HDAC9: variants seen among roughly 807,000 people sequenced by gnomAD.
HDAC9 encodes MEF-2 interacting transcription repressor (MITR) protein.
A neutral mutation model predicts 139.4 loss-of-function variants in HDAC9; 41 were observed. The observed-to-expected ratio is 0.29, with a 90% confidence interval of 0.23 to 0.38. HDAC9 has a LOEUF of 0.38. Ranked by LOEUF, HDAC9 falls within the 10% of genes least tolerant of loss-of-function variation. The probability of loss-of-function intolerance (pLI) is 1.00; values close to 1 mark genes in which losing one functional copy is unlikely to be tolerated. For missense variants in HDAC9, 1,147 were observed against 1,297.0 expected (o/e 0.88, Z 1.78); for synonymous variants, 517 against 476.2 (o/e 1.09, Z -1.12).
intron 1 of HDAC9, among the ~76,000 whole-genome samples, chr7:18,300,891 C>A (rs1311992723): frequency 1.3e-5 from 2 of 151,886 alleles, no homozygotes; most frequent in African/African-American, 4.8e-5. Flanking sequence ...CAGTTGAAAC[C>A]CCTAAAGTCA....
chr7:18,142,041 A>G (rs964993249), intron 1 of HDAC9, among the ~76,000 whole-genome samples: 2 of 151,980 alleles, frequency 1.3e-5, no homozygotes, highest in Non-Finnish European at 2.9e-5. Flanking sequence ...TTGTGTCAGG[A>G]CTTTTTTCCT....
intron 2 of HDAC9, among the ~76,000 whole-genome samples, chr7:18,509,079 T>A (rs1408886833): frequency 1.3e-5 from 2 of 152,200 alleles, no homozygotes; most frequent in Non-Finnish European, 1.5e-5. Flanking sequence ...TAAGAGCTAT[T>A]TTTCCTCACA....
intron 12 of HDAC9, among the ~76,000 whole-genome samples, chr7:18,714,630 C>T (rs1412050222): frequency 6.7e-6 from 1 of 148,836 alleles, no homozygotes; most frequent in Non-Finnish European, 1.5e-5. Flanking sequence ...GAACATTCTT[C>T]TTTCTTTCTT....
intron 1 of HDAC9, among the ~76,000 whole-genome samples, chr7:18,153,841 G>T (rs1303268973): frequency 2.0e-5 from 3 of 152,116 alleles, no homozygotes; most frequent in Non-Finnish European, 4.4e-5. Flanking sequence ...GACTCATACT[G>T]GTTTCCTTCT....
chr7:18,918,103 A>G (rs1016223637), intron 22 of HDAC9, among the ~76,000 whole-genome samples: 13 of 152,108 alleles, frequency 8.5e-5, no homozygotes, highest in Non-Finnish European at 1.8e-4. Context: ...GTCGATGTGC[A>G]AAGAAATGCA....
At chr7:18,310,353 C>G (rs1206080668) in intron 1 of HDAC9, among the ~76,000 whole-genome samples, 5 of 152,150 alleles carry the variant, frequency 3.3e-5, no homozygotes, top group African/African-American at 1.2e-4. Context: ...CCCAGAAAAT[C>G]TTTAGAGAAT....
chr7:18,647,560 A>G (rs577323071), intron 9 of HDAC9, among the ~76,000 whole-genome samples: 1 of 152,196 alleles, frequency 6.6e-6, no homozygotes, highest in Non-Finnish European at 1.5e-5. Context: ...TTTATGTTCA[A>G]TACAATGACA....
At chr7:18,715,069 A>G (rs1037589643) in intron 12 of HDAC9, among the ~76,000 whole-genome samples, 1 of 152,142 alleles carries the variant, frequency 6.6e-6, no homozygotes, top group Non-Finnish European at 1.5e-5. Flanking sequence ...TGTTACATTC[A>G]TCTCAGCAAA....
chr7:18,639,011 T>C (rs1784751916), intron 8 of HDAC9, among the ~76,000 whole-genome samples: 1 of 152,116 alleles, frequency 6.6e-6, no homozygotes, highest in Non-Finnish European at 1.5e-5. Context: ...ATTTGATAGC[T>C]ATTTTAACGG....
At position 18,590,328 on chromosome 7, in the gene HDAC9, C is replaced by T. The variant is rs370300129; in HGVS notation, c.265-8C>T. 11 of 1,611,904 alleles carry T rather than the reference C, an allele frequency of 6.8e-6. No individual in the cohort carries two copies. The highest frequency in any genetic ancestry group is 9.3e-6 in the Non-Finnish European group (11 of 1,179,094). On this transcript the variant is annotated splice_region_variant and splice_polypyrimidine_tract_variant and intron_variant, in intron 3 of 25. Coordinates refer to ENST00000686413, the MANE Select transcript of HDAC9 (RefSeq NM_178425.4). ...TTGCACACTCTCATGTCTTTCTCTT[C>T]TCGCAAGTTGCAACAGGAACTTCTA...
At chr7:18,823,914 A>G (rs1270108228) in intron 17 of HDAC9, among the ~76,000 whole-genome samples, 1 of 151,448 alleles carries the variant, frequency 6.6e-6, no homozygotes, top group African/African-American at 2.4e-5. Context: ...ACGGGTTGAG[A>G]CTGCAGTGAG....
chr7:18,251,858 A>C (rs931005154), intron 2 of HDAC9, among the ~76,000 whole-genome samples: 1 of 152,282 alleles, frequency 6.6e-6, no homozygotes, highest in Middle Eastern at 3.4e-3. Flanking sequence ...ACTACCATGA[A>C]GTTAGTATTA....
intron 22 of HDAC9, among the ~76,000 whole-genome samples, chr7:18,914,325 C>T (rs1020587424): frequency 5.9e-5 from 9 of 151,702 alleles, no homozygotes; most frequent in East Asian, 3.9e-4. Flanking sequence ...CCCAGACAGA[C>T]GAAGGCATTC....
intron 23 of HDAC9, among the ~76,000 whole-genome samples, chr7:18,944,411 A>G (rs1782230684): frequency 6.6e-6 from 1 of 152,170 alleles, no homozygotes; most frequent in Admixed American, 6.5e-5. Flanking sequence ...CTCTTATGCA[A>G]AATATATAAT....
At chr7:18,422,930 A>G (rs967750715) in intron 1 of HDAC9, among the ~76,000 whole-genome samples, 4 of 152,170 alleles carry the variant, frequency 2.6e-5, no homozygotes, top group Non-Finnish European at 4.4e-5. Context: ...AAAACTTTCA[A>G]TCTCATAGTC....
In HDAC9 at chr7:18,577,014, T is replaced by C. The variant is rs76471773; in HGVS notation, c.23-8267T>C. On this transcript the variant is annotated intron_variant, in intron 2 of 25. Coordinates refer to ENST00000686413, the MANE Select transcript of HDAC9 (RefSeq NM_178425.4). ...TGACATACTTCCACCAGACATAAAC[T>C]GTTCCTTCATGCCTTTATTCTACTT... 1.2e-4 allele frequency among the ~76,000 whole-genome samples: 19 copies of C among 152,352 alleles called. No homozygotes were observed. The East Asian group carries it at 3.7e-3, about 29-fold the overall frequency.
At chr7:18,705,869 T>A (rs142901497) in intron 12 of HDAC9, among the ~76,000 whole-genome samples, 28,896 of 104,498 alleles carry the variant, frequency 0.28, 5,131 homozygotes, top group African/African-American at 0.42. Flanking sequence ...AAAAATAAAA[T>A]AAAATAAAAT....
At chr7:18,727,471 G>T in intron 12 of HDAC9, 109 bp from the exon 13 acceptor site, 3 of 856,640 alleles carry the variant, frequency 3.5e-6, no homozygotes, top group South Asian at 1.8e-5. Context: ...CCTTCACACC[G>T]TTTATTATGT....
chr7:18,151,581 C>T (rs1362284660), intron 1 of HDAC9, among the ~76,000 whole-genome samples: 2 of 152,296 alleles, frequency 1.3e-5, no homozygotes, highest in East Asian at 3.9e-4. Flanking sequence ...GATAGAAAAG[C>T]TGCAGCCTAT....
Sources: gnomAD v4.1 joint callset for allele counts (sites outside exome capture counted in the v4.1 genomes callset) on GRCh38, gnomAD v4.1.1 for gene constraint, MANE v1.5 for transcripts, NCBI Gene and HGNC (gene_info 2026-07-23, HGNC 2026-07-21) for gene names.